Variants in ZNF407 observed in about 807,000 individuals in gnomAD.
ZNF407 encodes the protein zinc finger protein 407.
ZNF407 carries 17 observed loss-of-function variants against 131.2 expected under a neutral mutation model. That is an observed-to-expected ratio of 0.13 (90% CI 0.09 to 0.19). The LOEUF is 0.19. Among genes scored for constraint, ZNF407 ranks in the 10% least tolerant of loss-of-function variants. The pLI, the probability that ZNF407 is intolerant of heterozygous loss-of-function variation, is 1.00. For synonymous variants in ZNF407, 1,156 were observed against 1,062.0 expected, an observed-to-expected ratio of 1.09 and a Z score of -1.72; for missense variants, 2,681 against 2,830.6, an observed-to-expected ratio of 0.95 and a Z score of 1.20.
chr18:74,823,538 C>T (rs1006654390), intron 4 of ZNF407, among the ~76,000 whole-genome samples: 1 of 150,678 alleles, frequency 6.6e-6, no homozygotes, highest in Non-Finnish European at 1.5e-5. Flanking sequence ...AAATGGAAAG[C>T]AAAAAAAAGC....
chr18:74,930,223 C>T (rs927020128), intron 8 of ZNF407, among the ~76,000 whole-genome samples: 12 of 152,144 alleles, frequency 7.9e-5, no homozygotes, highest in Non-Finnish European at 1.0e-4. Context: ...TGTAGAATGT[C>T]TCTTAATTTG....
chr18:74,779,176 C>T (rs1456852080), intron 3 of ZNF407, among the ~76,000 whole-genome samples: 9 of 130,226 alleles, frequency 6.9e-5, no homozygotes, highest in Non-Finnish European at 7.8e-5. Context: ...AGTGCAGTGG[C>T]GCAATCTCGG....
chr18:74,811,351 C>A (rs1208777760), intron 4 of ZNF407, among the ~76,000 whole-genome samples: 5 of 152,100 alleles, frequency 3.3e-5, no homozygotes, highest in Admixed American at 1.3e-4. Flanking sequence ...GTTAGAATGG[C>A]AATCATTAAA....
intron 3 of ZNF407, among the ~76,000 whole-genome samples, chr18:74,643,032 G>C (rs1456976039): frequency 1.3e-5 from 2 of 152,074 alleles, no homozygotes; most frequent in Non-Finnish European, 2.9e-5. Flanking sequence ...GAACAGAATG[G>C]TAGTGAATTA....
intron 8 of ZNF407, among the ~76,000 whole-genome samples, chr18:75,035,677 G>C (rs1156245926): frequency 6.6e-6 from 1 of 152,258 alleles, no homozygotes; most frequent in Admixed American, 6.5e-5. Context: ...CCTGCAGCTA[G>C]AAGAGCTCCT....
At position 74,635,825 on chromosome 18, in the gene ZNF407, C is replaced by A; in HGVS notation, c.4687+119C>A. On this transcript the variant is annotated intron_variant, in intron 2 of 8. Coordinates refer to ENST00000299687, the MANE Select transcript of ZNF407 (RefSeq NM_017757.3). This position sits in a 1 kb window ranked among gnomAD's most constrained non-coding sequence, Gnocchi z 4.7. The stretch of plus-strand genomic sequence containing the variant: ...TTCCACCCGGTTCACATTTCACTGC[C>A]GTGTGCTGCTCTGCTTGTCTGCAAT... The A allele has an allele frequency of 7.4e-7, 1 of 1,353,508 alleles. No homozygotes were observed. Among genetic ancestry groups the A allele is most frequent in the Non-Finnish European group, 1.0e-6 (1 of 1,000,372 alleles). The allele number at this position is 1,353,508 out of a possible 1,614,324, so 83.8% of individuals were successfully genotyped here.
intron 4 of ZNF407, among the ~76,000 whole-genome samples, chr18:74,812,083 G>A (rs574590706): frequency 6.6e-6 from 1 of 152,000 alleles, no homozygotes; most frequent in Admixed American, 6.6e-5. Flanking sequence ...CTATTACTCT[G>A]TTAACTTTGT....
At chr18:74,618,643 T>C (rs1983408497) in intron 1 of ZNF407, among the ~76,000 whole-genome samples, 1 of 152,200 alleles carries the variant, frequency 6.6e-6, no homozygotes, top group South Asian at 2.1e-4. Flanking sequence ...CGTTTAGAGA[T>C]GTTTTTTAAA....
intron 3 of ZNF407, among the ~76,000 whole-genome samples, chr18:74,649,207 G>C (rs999518980): frequency 6.6e-6 from 1 of 152,158 alleles, no homozygotes; most frequent in Non-Finnish European, 1.5e-5. Context: ...AGAATATATT[G>C]AGCTGGGCTC....
intron 5 of ZNF407, among the ~76,000 whole-genome samples, chr18:74,880,796 C>T (rs773245423): frequency 1.3e-5 from 2 of 152,172 alleles, no homozygotes; most frequent in African/African-American, 2.4e-5. Context: ...TGAAGTTGTA[C>T]AAAACCATTC....
intron 1 of ZNF407, among the ~76,000 whole-genome samples, chr18:74,617,602 C>T (rs993205861): frequency 0.026 from 3,926 of 152,026 alleles, 149 homozygotes; most frequent in African/African-American, 0.084. Flanking sequence ...CCACTGTTTC[C>T]TCTTCATTAG....
intron 4 of ZNF407, among the ~76,000 whole-genome samples, chr18:74,855,077 A>G (rs867234553): frequency 2.0e-5 from 3 of 152,210 alleles, no homozygotes; most frequent in Non-Finnish European, 1.5e-5. Context: ...TTCTGTTAGT[A>G]AATGGAAATG....
intron 4 of ZNF407, among the ~76,000 whole-genome samples, chr18:74,859,892 T>C (rs1970913334): frequency 6.6e-6 from 1 of 152,188 alleles, no homozygotes; most frequent in South Asian, 2.1e-4. Context: ...TGAACTTTTT[T>C]CCTTCCAGTA....
At chr18:74,687,896 GCTT>G (rs1456949856) in intron 3 of ZNF407, among the ~76,000 whole-genome samples, 1 of 152,050 alleles carries the variant, frequency 6.6e-6, no homozygotes, top group Non-Finnish European at 1.5e-5. Flanking sequence ...GATAGCTTAT[GCTT>G]CTTACTACTG....
intron 4 of ZNF407, among the ~76,000 whole-genome samples, chr18:74,869,298 C>G (rs1363806467): frequency 1.3e-5 from 2 of 152,154 alleles, no homozygotes; most frequent in Non-Finnish European, 2.9e-5. Flanking sequence ...TTAGCTCAGA[C>G]TAGAGAACTG....
rs1348616935 is a variant in ZNF407, at chr18:74,747,913, A to G, written c.4803-33515A>G. ...CACGTATGTTTTTGGGTAGAATTTT[A>G]AAATGAATCTAAGTGAAGTTTAATG... On this transcript the variant is annotated intron_variant, in intron 3 of 8. Transcript: ENST00000299687. Among the ~76,000 whole-genome samples, 4 of 152,162 alleles carry G rather than the reference A, an allele frequency of 2.6e-5. No homozygotes were observed. In the South Asian group the frequency reaches 6.2e-4, roughly 24 times the overall value.
chr18:74,866,917 G>C (rs1971019444), intron 4 of ZNF407, among the ~76,000 whole-genome samples: 1 of 146,724 alleles, frequency 6.8e-6, no homozygotes, highest in African/African-American at 2.5e-5. Context: ...TCCGGCTGAG[G>C]CTGGAGGATC....
At chr18:74,625,472 C>T (rs995677029) in intron 1 of ZNF407, among the ~76,000 whole-genome samples, 1 of 152,130 alleles carries the variant, frequency 6.6e-6, no homozygotes, top group Non-Finnish European at 1.5e-5. Context: ...GACAGTCGTG[C>T]ACTGCAGCAG....
In ZNF407 at chr18:74,920,595, G is replaced by GT. The variant is rs747822360; in HGVS notation, c.5332dup (p.Cys1778LeufsTer2). 6.2e-7 allele frequency: 1 copy of GT among 1,609,952 alleles called. No individual in the cohort carries two copies. Among genetic ancestry groups the GT allele is most frequent in the Non-Finnish European group, 8.5e-7 (1 of 1,176,860 alleles). Reference sequence around the variant, plus strand: ...GAGTCAAGATGTACAACTGTCCCAAGTGTGACTACGGGACCAACGTCCCGG... The same window carrying GT: ...GAGTCAAGATGTACAACTGTCCCAAGTTGTGACTACGGGACCAACGTCCCGG... On this transcript the variant is annotated frameshift_variant, in exon 8 of 9. Coordinates refer to ENST00000299687, the MANE Select transcript of ZNF407 (RefSeq NM_017757.3). LOFTEE classifies it high-confidence loss of function.
Sources: allele counts gnomAD v4.1 joint callset (sites outside exome capture counted in the v4.1 genomes callset), GRCh38; gene constraint gnomAD v4.1.1; non-coding constraint Gnocchi (gnomAD v3.1); transcripts MANE v1.5; gene names NCBI Gene and HGNC (gene_info 2026-07-23, HGNC 2026-07-21).